The following PLCL1 variants were observed in gnomAD, a reference collection of about 807,000 sequenced individuals.
PLCL1 encodes the protein phospholipase C like 1 (inactive), also known as inactive phospholipase C-like protein 1.
PLCL1 carries 41 observed loss-of-function variants against 84.4 expected under a neutral mutation model. The ratio of observed to expected loss-of-function variants is 0.49; its 90% CI spans 0.38 to 0.63. The LOEUF is 0.63. PLCL1 is among the 30% of genes least tolerant of loss of function. The probability of loss-of-function intolerance (pLI) is 0.00; values close to 1 mark genes in which losing one functional copy is unlikely to be tolerated. For missense variants in PLCL1, 1,206 were observed against 1,367.8 expected (o/e 0.88, Z 1.87); for synonymous variants, 490 against 488.3 (o/e 1.00, Z -0.05).
Position 197,804,936 on chromosome 2 carries a change from GA to G in PLCL1, c.-161del. On this transcript the variant is annotated 5_prime_UTR_variant, in exon 1 of 6. The change abolishes the stop of an existing upstream ORF in the 5' untranslated region. Coordinates refer to ENST00000428675, the MANE Select transcript of PLCL1 (RefSeq NM_006226.4). ...CTGCCCGAGCGATGTCCCCTCTCCA[GA>G]AAGTTGCCGCCGCCGCCGCCGCCGC... 1 of 687,428 alleles carries G rather than the reference GA, an allele frequency of 1.5e-6. No individual in the cohort carries two copies. The highest frequency in any genetic ancestry group is 2.1e-5 in the South Asian group (1 of 47,666). The allele number at this position is 687,428 out of a possible 1,614,324, so 42.6% of individuals were successfully genotyped here.
intron 1 of PLCL1, among the ~76,000 whole-genome samples, chr2:197,936,022 T>C (rs186921259): frequency 8.5e-5 from 13 of 152,292 alleles, no homozygotes; most frequent in Non-Finnish European, 7.4e-5. Context: ...TCCTAGCTTA[T>C]TTCACTTAGC....
At chr2:198,113,180 C>A (rs1367782753) in intron 5 of PLCL1, among the ~76,000 whole-genome samples, 30 of 151,822 alleles carry the variant, frequency 2.0e-4, no homozygotes, top group Non-Finnish European at 1.5e-5. Flanking sequence ...AAAATAAAGA[C>A]CCTTCTCTCC....
intron 1 of PLCL1, among the ~76,000 whole-genome samples, chr2:197,993,321 C>G (rs776772307): frequency 6.6e-6 from 1 of 152,088 alleles, no homozygotes; most frequent in South Asian, 2.1e-4. Context: ...GGAGAAATGT[C>G]TATTCAAGTC....
At chr2:197,944,219 T>A (rs1224817345) in intron 1 of PLCL1, among the ~76,000 whole-genome samples, 1 of 133,430 alleles carries the variant, frequency 7.5e-6, no homozygotes, top group African/African-American at 2.9e-5. Flanking sequence ...TAAGTCTTTT[T>A]TCTTTTTTCT....
At chr2:198,119,933 AC>A (rs1169329007) in intron 5 of PLCL1, among the ~76,000 whole-genome samples, 1 of 151,966 alleles carries the variant, frequency 6.6e-6, no homozygotes, top group Non-Finnish European at 1.5e-5. Flanking sequence ...GATCTATGTG[AC>A]ACCAAAACCT....
chr2:197,957,484 A>C (rs1689516857), intron 1 of PLCL1, among the ~76,000 whole-genome samples: 1 of 151,954 alleles, frequency 6.6e-6, no homozygotes, highest in Non-Finnish European at 1.5e-5. Context: ...GCCTCTCACT[A>C]GTATAAAGTT....
At chr2:197,926,467 T>C (rs938340283) in intron 1 of PLCL1, among the ~76,000 whole-genome samples, 6 of 152,218 alleles carry the variant, frequency 3.9e-5, no homozygotes, top group African/African-American at 1.2e-4. Flanking sequence ...TTCATGGCCA[T>C]TCACCATCCC....
At chr2:198,004,138 C>CT (rs138010891) in intron 1 of PLCL1, among the ~76,000 whole-genome samples, 27,874 of 149,778 alleles carry the variant, frequency 0.19, 2,588 homozygotes, top group East Asian at 0.26. Context: ...ATATATTTAG[C>CT]TTTTTTTTTT....
intron 1 of PLCL1, among the ~76,000 whole-genome samples, chr2:197,833,811 A>C (rs889089248): frequency 6.6e-6 from 1 of 152,194 alleles, no homozygotes; most frequent in Non-Finnish European, 1.5e-5. Context: ...ATTAGAAAAA[A>C]CTGGTTCAAA....
rs907406210 is a variant in PLCL1 at position 198,006,065 on chromosome 2, A to G, written c.241-77693A>G. Among the ~76,000 whole-genome samples the G allele has an allele frequency of 3.3e-5, 5 of 152,368 alleles. No homozygotes were observed. In the East Asian group the frequency reaches 7.7e-4, roughly 24 times the overall value. ...ATGATTCCTAGGTATCTAGAAAAGGATATTTTAAGCTAAGAGAAAAGAGGG... is the reference window on the plus strand; with the variant it reads ...ATGATTCCTAGGTATCTAGAAAAGGGTATTTTAAGCTAAGAGAAAAGAGGG... On this transcript the variant is annotated intron_variant, in intron 1 of 5. Transcript: ENST00000428675.
intron 1 of PLCL1, among the ~76,000 whole-genome samples, chr2:197,939,861 G>A (rs1446524962): frequency 6.6e-6 from 1 of 151,890 alleles, no homozygotes; most frequent in Non-Finnish European, 1.5e-5. Context: ...AATGCCCTAG[G>A]TGGGATTCTC....
intron 3 of PLCL1, among the ~76,000 whole-genome samples, chr2:198,097,131 T>TA (rs1337609783): frequency 2.6e-5 from 4 of 152,124 alleles, no homozygotes; most frequent in Admixed American, 1.3e-4. Flanking sequence ...TAATAGAACC[T>TA]AAAAAAAGAA....
At position 198,104,568 on chromosome 2, in the gene PLCL1, G is replaced by C. The variant is rs544896202; in HGVS notation, c.3105+632G>C. Among the ~76,000 whole-genome samples the C allele has an allele frequency of 5.3e-5, 8 of 152,200 alleles. No individual in the cohort carries two copies. The South Asian group carries it at 1.7e-3, about 32-fold the overall frequency. ...TGTGTATATACCCACTAATGGGATT[G>C]CTGGGGTCAAATGGTAATTCTGTTT... On this transcript the variant is annotated intron_variant, in intron 5 of 5. Coordinates refer to ENST00000428675, the MANE Select transcript of PLCL1 (RefSeq NM_006226.4).
intron 1 of PLCL1, among the ~76,000 whole-genome samples, chr2:197,928,316 C>G (rs1688871389): frequency 6.6e-6 from 1 of 152,132 alleles, no homozygotes; most frequent in Admixed American, 6.6e-5. Context: ...TGGCATTAAG[C>G]AAGCAAATGT....
chr2:197,960,650 G>A (rs995469737), intron 1 of PLCL1, among the ~76,000 whole-genome samples: 3 of 152,110 alleles, frequency 2.0e-5, no homozygotes, highest in Non-Finnish European at 4.4e-5. Flanking sequence ...TAATGGAGAA[G>A]CTTAGAGGAC....
intron 1 of PLCL1, among the ~76,000 whole-genome samples, chr2:197,931,450 C>T (rs764998172): frequency 6.6e-5 from 10 of 152,084 alleles, no homozygotes; most frequent in African/African-American, 1.2e-4. Context: ...CAGTCTACAC[C>T]GGCTGATCTT....
intron 1 of PLCL1, among the ~76,000 whole-genome samples, chr2:197,981,040 C>G (rs1390063665): frequency 6.6e-6 from 1 of 152,070 alleles, no homozygotes; most frequent in Non-Finnish European, 1.5e-5. Context: ...ACTTTTGTAC[C>G]AATCTAATAA....
At chr2:197,946,636 T>C (rs1397047801) in intron 1 of PLCL1, among the ~76,000 whole-genome samples, 2 of 152,188 alleles carry the variant, frequency 1.3e-5, no homozygotes, top group African/African-American at 2.4e-5. Flanking sequence ...AGGATTGTCT[T>C]GACCTTTGCC....
chr2:197,866,068 CTATATATATATATATATATAA>C lies in PLCL1; in HGVS notation c.240+60730_240+60750del, dbSNP rs1574920236. ...ATATATATATACACACACACACACACTATATATATATATATATATAAACTATATATATATATAAACTATATA... is the reference window on the plus strand; with the variant it reads ...ATATATATATACACACACACACACACACTATATATATATATAAACTATATA... On this transcript the variant is annotated intron_variant, in intron 1 of 5. Transcript: ENST00000428675. Among the ~76,000 whole-genome samples the C allele has an allele frequency of 1.5e-4, 7 of 46,698 alleles. 2 individuals carry two copies. Among genetic ancestry groups the C allele is most frequent in the African/African-American group, 6.3e-4 (5 of 7,994 alleles). The allele number at this position is 46,698 out of a possible 152,430, so 30.6% of individuals were successfully genotyped here.
Sources: gnomAD v4.1 joint callset for allele counts (sites outside exome capture counted in the v4.1 genomes callset) on GRCh38, gnomAD v4.1.1 for gene constraint, MANE v1.5 for transcripts, NCBI Gene and HGNC (gene_info 2026-07-23, HGNC 2026-07-21) for gene names.